Variants in MAPKBP1 observed in about 807,000 individuals in gnomAD.
MAPKBP1 encodes the protein mitogen-activated protein kinase-binding protein 1.
MAPKBP1 carries 71 observed loss-of-function variants against 170.5 expected under a neutral mutation model. The observed-to-expected ratio is 0.42, with a 90% CI of 0.34 to 0.51. The LOEUF (loss-of-function observed/expected upper bound fraction) is 0.51, where lower values mean the gene tolerates loss of function less well. Among genes scored for constraint, MAPKBP1 ranks in the 20% least tolerant of loss-of-function variants. The pLI is 0.06. For synonymous variants in MAPKBP1, 719 were observed against 757.9 expected, an observed-to-expected ratio of 0.95 and a Z score of 0.84; for missense variants, 1,598 against 1,933.0, an observed-to-expected ratio of 0.83 and a Z score of 3.25.
At chr15:41,785,950 T>C (rs2064279400) in intron 2 of MAPKBP1, among the ~76,000 whole-genome samples, 1 of 152,216 alleles carries the variant, frequency 6.6e-6, no homozygotes, top group Non-Finnish European at 1.5e-5. Flanking sequence ...AATTTTTTGG[T>C]GTTATTCATA....
chr15:41,809,854 A>G lies in MAPKBP1; in HGVS notation c.207-1029A>G, dbSNP rs1346051220. Among the ~76,000 whole-genome samples the G allele has an allele frequency of 2.6e-5, 4 of 152,244 alleles. No individual in the cohort carries two copies. The East Asian group carries it at 7.7e-4, about 29-fold the overall frequency. ...CCCCCACCTTCTCTGTGAGGCAGGC[A>G]GAGTCCCTGATTCTGCTTCTGGCAG... On this transcript the variant is annotated intron_variant, in intron 3 of 30. Coordinates refer to ENST00000457542, the MANE Select transcript of MAPKBP1 (RefSeq NM_014994.3).
Position 41,825,397 on chromosome 15 carries a change from G to A in MAPKBP1, c.4488G>A (p.Leu1496=), listed in dbSNP as rs891580435. The change falls in exon 31 of 31, where the codon TTG becomes TTA. Residue 1496 remains leucine (L), a synonymous_variant. Transcript: ENST00000457542. ...TGCTGGAGCAATACTCAGAACTGTT[G>A]CTTCGAGCCGTGGAACGGCGTATGG... ...QALLEQYSEL[L]LRAVERRMER... 6.2e-7 allele frequency: 1 copy of A among 1,612,954 alleles called. No homozygotes were observed. Among genetic ancestry groups the A allele is most frequent in the Non-Finnish European group, 8.5e-7 (1 of 1,179,528 alleles).
At chr15:41,821,865 C>T in intron 24 of MAPKBP1, 100 bp from the exon 25 acceptor site, 1 of 1,567,512 alleles carries the variant, frequency 6.4e-7, no homozygotes, top group Middle Eastern at 2.3e-4. Flanking sequence ...TCCAGCTCAC[C>T]ACTGCCTCAT....
At chr15:41,820,323 G>T (rs2064973657) in intron 22 of MAPKBP1, among the ~76,000 whole-genome samples, 1 of 152,160 alleles carries the variant, frequency 6.6e-6, no homozygotes, top group Non-Finnish European at 1.5e-5. Flanking sequence ...GCTGTGAGGG[G>T]ACTTTGGGGC....
At chr15:41,786,426 A>G (rs928532881) in intron 2 of MAPKBP1, among the ~76,000 whole-genome samples, 1 of 152,172 alleles carries the variant, frequency 6.6e-6, no homozygotes, top group Non-Finnish European at 1.5e-5. Context: ...TAAAATCCGT[A>G]TGCTCATTTT....
At chr15:41,812,875 G>A in intron 7 of MAPKBP1, 44 bp from the exon 8 acceptor site, 1 of 1,549,162 alleles carries the variant, frequency 6.5e-7, no homozygotes, top group South Asian at 1.3e-5. Flanking sequence ...TCCAGGGGCA[G>A]GCTCTGGGGT....
chr15:41,779,020 T>G (rs1431091377), intron 2 of MAPKBP1, among the ~76,000 whole-genome samples: 1 of 152,220 alleles, frequency 6.6e-6, no homozygotes, highest in Non-Finnish European at 1.5e-5. Flanking sequence ...ATTGTAAATC[T>G]AATTCTTCTT....
intron 26 of MAPKBP1, 49 bp downstream of exon 26, chr15:41,822,471 C>A (rs2065015638): frequency 6.2e-7 from 1 of 1,605,656 alleles, no homozygotes; most frequent in Non-Finnish European, 8.5e-7. Flanking sequence ...CCCTTCTCCC[C>A]TCCTTGCCTA....
At position 41,823,201 on chromosome 15, in the gene MAPKBP1, G is replaced by C; in HGVS notation, c.3577G>C (p.Val1193Leu). Reference sequence around the variant, plus strand: ...TTCTGGACTCCAGAAGGCCCAGTCTGTGCACAGTCTGGTGCCACAGGGTGA... The same window carrying C: ...TTCTGGACTCCAGAAGGCCCAGTCTCTGCACAGTCTGGTGCCACAGGGTGA... Reference protein sequence around the residue: ...PFSGLQKAQSVHSLVPQERHE... With the variant: ...PFSGLQKAQSLHSLVPQERHE... Residue 1193 changes from valine (V) to leucine (L), a missense_variant, in exon 28 of 31, where the codon GTG becomes CTG. Physicochemically the swap from Val to Leu is conservative, Grantham distance 32. Transcript: ENST00000457542. 1 of 1,613,492 alleles carries C rather than the reference G, an allele frequency of 6.2e-7. No homozygotes were observed. The highest frequency in any genetic ancestry group is 8.5e-7 in the Non-Finnish European group (1 of 1,179,936).
Position 41,819,657 on chromosome 15 carries a change from C to T in MAPKBP1, c.2481+7C>T, listed in dbSNP as rs746414316. On this transcript the variant is annotated splice_region_variant and intron_variant, in intron 22 of 30. Transcript: ENST00000457542. The stretch of plus-strand genomic sequence containing the variant: ...CCACTGGGAGATGAGTCGGGTGAGT[C>T]GCCATTGTTAAAATGTTCTTCCAAG... The T allele has an allele frequency of 2.7e-5, 44 of 1,607,212 alleles. No individual in the cohort carries two copies. Among genetic ancestry groups the T allele is most frequent in the Non-Finnish European group, 3.1e-5 (37 of 1,176,266 alleles).
At position 41,825,733 on chromosome 15, in the gene MAPKBP1, T is replaced by G. The variant is rs2065080032; in HGVS notation, c.*297T>G. On this transcript the variant is annotated 3_prime_UTR_variant, in exon 31 of 31. Coordinates refer to ENST00000457542, the MANE Select transcript of MAPKBP1 (RefSeq NM_014994.3). ...AGGTAGGAGGGCAGCCTGCCCCATCTAGGAATCTGGGAAGGGCTGGCCCTC... is the reference window on the plus strand; with the variant it reads ...AGGTAGGAGGGCAGCCTGCCCCATCGAGGAATCTGGGAAGGGCTGGCCCTC... The G allele has an allele frequency of 3.0e-6, 1 of 329,668 alleles. No homozygotes were observed. Among genetic ancestry groups the G allele is most frequent in the Non-Finnish European group, 5.6e-6 (1 of 178,482 alleles). 20.4% of individuals were successfully genotyped at this position (329,668 alleles called of 1,614,324 possible). A position where few individuals can be genotyped will look rare whatever the true frequency, so the allele number is the denominator to read the frequency against.
At chr15:41,792,561 T>C (rs1222306066) in intron 2 of MAPKBP1, among the ~76,000 whole-genome samples, 1 of 152,226 alleles carries the variant, frequency 6.6e-6, no homozygotes, top group African/African-American at 2.4e-5. Flanking sequence ...GTGGGTCCTC[T>C]CTTCTTCCTT....
At chr15:41,774,862 A>G in intron 1 of MAPKBP1, 1 of 424,748 alleles carries the variant, frequency 2.4e-6, no homozygotes, top group Non-Finnish European at 4.1e-6. Flanking sequence ...CTTGGACACT[A>G]CAGTTGCCAT....
intron 3 of MAPKBP1, among the ~76,000 whole-genome samples, chr15:41,806,269 G>T (rs975771638): frequency 2.6e-5 from 4 of 152,222 alleles, no homozygotes; most frequent in Admixed American, 1.3e-4. Flanking sequence ...AGGTAGGGTT[G>T]TAATGATAAA....
chr15:41,780,973 A>G (rs968606680), intron 2 of MAPKBP1, among the ~76,000 whole-genome samples: 2 of 151,982 alleles, frequency 1.3e-5, no homozygotes. Flanking sequence ...TAACAGAAGA[A>G]TGAGTTTACA....
chr15:41,812,881 G>C (rs371446466), intron 7 of MAPKBP1, 38 bp from the exon 8 acceptor site: 1 of 1,559,618 alleles, frequency 6.4e-7, no homozygotes, highest in African/African-American at 1.4e-5. Flanking sequence ...GGCAGGCTCT[G>C]GGGTGGATGG....
rs1164454959 is a variant in MAPKBP1 at position 41,821,730 on chromosome 15, C to G, written c.2865C>G (p.Asp955Glu). 2.5e-6 allele frequency: 4 copies of G among 1,613,952 alleles called. No individual in the cohort carries two copies. In the South Asian group the frequency reaches 3.3e-5, roughly 13 times the overall value. The part of the protein sequence containing the change: ...EDGIVYPEPS[D>E]NPTMDTSEFQ... ...GTATTGTCTACCCGGAGCCGAGTGACAACCCCACCATGGATACCAGGCAAG... is the reference window on the plus strand; with the variant it reads ...GTATTGTCTACCCGGAGCCGAGTGAGAACCCCACCATGGATACCAGGCAAG... The change falls in exon 24 of 31, where the codon GAC (aspartate) becomes GAG (glutamate). Residue 955 changes from aspartate to glutamate, a missense_variant. Around this residue, in one of 6 missense-constraint regions of MAPKBP1, gnomAD observed 942 missense variants for 953.2 expected, o/e 0.99. Transcript: ENST00000457542.
intron 2 of MAPKBP1, among the ~76,000 whole-genome samples, chr15:41,781,968 G>T (rs1166077762): frequency 1.3e-5 from 2 of 151,886 alleles, no homozygotes; most frequent in African/African-American, 2.4e-5. Flanking sequence ...TGAAATACAG[G>T]CCGGGCGCAG....
chr15:41,813,227 TG>T, intron 8 of MAPKBP1, 126 bp downstream of exon 8: 1 of 1,512,380 alleles, frequency 6.6e-7, no homozygotes. Flanking sequence ...GAACGAAGCT[TG>T]GGGGAGCTAG....
Sources: gnomAD v4.1 joint callset for allele counts (sites outside exome capture counted in the v4.1 genomes callset) on GRCh38, gnomAD v4.1.1 for gene constraint, gnomAD v4.1.1 regional missense constraint, MANE v1.5 for transcripts, NCBI Gene and HGNC (gene_info 2026-07-23, HGNC 2026-07-21) for gene names.